Variants in PTPRT observed in about 807,000 individuals in gnomAD.
PTPRT encodes receptor-type tyrosine-protein phosphatase T.
Under a neutral mutation model 176.8 loss-of-function variants are expected in PTPRT, and 56 were observed. That is an observed-to-expected ratio of 0.32 (90% CI 0.26 to 0.40). The LOEUF is 0.40. PTPRT is among the 10% of genes least tolerant of loss of function. The pLI, the probability that PTPRT is intolerant of heterozygous loss-of-function variation, is 1.00. For missense variants in PTPRT, 1,540 were observed against 1,908.2 expected (o/e 0.81, Z 3.60); for synonymous variants, 783 against 739.0 (o/e 1.06, Z -0.96).
chr20:42,895,688 T>G (rs2079283486), intron 1 of PTPRT, among the ~76,000 whole-genome samples: 1 of 152,222 alleles, frequency 6.6e-6, no homozygotes, highest in African/African-American at 2.4e-5. Context: ...AAGACTTTAT[T>G]TATTAGCACT....
intron 1 of PTPRT, among the ~76,000 whole-genome samples, chr20:43,056,455 G>A (rs183848224): frequency 5.3e-5 from 8 of 152,296 alleles, no homozygotes; most frequent in South Asian, 2.1e-4. Context: ...TAATGGCTGG[G>A]TACAGGGAAG....
At chr20:42,835,972 A>G (rs945012478) in intron 2 of PTPRT, among the ~76,000 whole-genome samples, 1 of 152,042 alleles carries the variant, frequency 6.6e-6, no homozygotes, top group African/African-American at 2.4e-5. Context: ...GTTGGGAAGG[A>G]GACTAGCTCA....
intron 15 of PTPRT, among the ~76,000 whole-genome samples, chr20:42,199,735 C>T (rs1991375466): frequency 6.6e-6 from 1 of 152,092 alleles, no homozygotes; most frequent in Admixed American, 6.5e-5. Flanking sequence ...AGTGGCTAGA[C>T]TGGCCTTTCT....
chr20:42,735,589 C>CT (rs2076527494), intron 6 of PTPRT, among the ~76,000 whole-genome samples: 1 of 152,020 alleles, frequency 6.6e-6, no homozygotes, highest in Non-Finnish European at 1.5e-5. Context: ...TTCAGTAGCC[C>CT]TGTCATTAGC....
chr20:42,157,627 C>G (rs1487718116), intron 17 of PTPRT, among the ~76,000 whole-genome samples: 1 of 152,004 alleles, frequency 6.6e-6, no homozygotes, highest in African/African-American at 2.4e-5. Context: ...ATTTTCTTCC[C>G]CCCCCAATAT....
chr20:42,851,335 T>C (rs779197907), intron 2 of PTPRT, among the ~76,000 whole-genome samples: 4 of 152,198 alleles, frequency 2.6e-5, no homozygotes, highest in Non-Finnish European at 1.5e-5. Context: ...TTTCTGCTGT[T>C]AAAAGACTGT....
At chr20:42,508,313 C>T (rs939780284) in intron 7 of PTPRT, among the ~76,000 whole-genome samples, 1 of 151,968 alleles carries the variant, frequency 6.6e-6, no homozygotes, top group Non-Finnish European at 1.5e-5. Context: ...GATTTTAATG[C>T]AAACTTCATC....
At chr20:42,241,621 A>G (rs2056355801) in intron 14 of PTPRT, among the ~76,000 whole-genome samples, 5 of 152,256 alleles carry the variant, frequency 3.3e-5, no homozygotes, top group Admixed American at 2.6e-4. Flanking sequence ...AAGAAAGGTC[A>G]GCAGTGTGCA....
chr20:42,648,192 T>C (rs980272335), intron 7 of PTPRT, among the ~76,000 whole-genome samples: 1 of 152,036 alleles, frequency 6.6e-6, no homozygotes, highest in Non-Finnish European at 1.5e-5. Flanking sequence ...TGAAGACAAA[T>C]GCATCCAAGG....
At chr20:42,218,758 A>G (rs1280248254) in intron 15 of PTPRT, among the ~76,000 whole-genome samples, 2 of 152,204 alleles carry the variant, frequency 1.3e-5, no homozygotes, top group Non-Finnish European at 2.9e-5. Context: ...TGAGCGGTGC[A>G]CTGTCTCATG....
chr20:42,672,864 T>A (rs1408524322), intron 7 of PTPRT, among the ~76,000 whole-genome samples: 1 of 152,246 alleles, frequency 6.6e-6, no homozygotes, highest in East Asian at 1.9e-4. Flanking sequence ...CATCTTCTTG[T>A]GCTACGCCCA....
intron 1 of PTPRT, among the ~76,000 whole-genome samples, chr20:43,001,540 T>G (rs1984554947): frequency 6.6e-6 from 1 of 151,324 alleles, no homozygotes. Flanking sequence ...CAGAATGGGG[T>G]TAACTCAACA....
At chr20:42,205,444 G>T (rs2055430995) in intron 15 of PTPRT, among the ~76,000 whole-genome samples, 1 of 152,160 alleles carries the variant, frequency 6.6e-6, no homozygotes, top group Non-Finnish European at 1.5e-5. Context: ...CAGGAATCCT[G>T]CCCTGTTTGG....
In PTPRT at chr20:42,251,681, T is replaced by C. The variant is rs181521988; in HGVS notation, c.2177-2859A>G. Among the ~76,000 whole-genome samples the C allele has an allele frequency of 6.4e-5, 9 of 141,718 alleles. No homozygotes were observed. In the East Asian group the frequency reaches 1.6e-3, roughly 26 times the overall value. The allele number at this position is 141,718 out of a possible 152,430, so 93.0% of individuals were successfully genotyped here. ...CAGCATATGGGAGCAGCAGGAGAAATAGCCTTGCCTAATGGGGCAAGCACC... is the reference window on the plus strand; with the variant it reads ...CAGCATATGGGAGCAGCAGGAGAAACAGCCTTGCCTAATGGGGCAAGCACC... On this transcript the variant is annotated intron_variant, in intron 13 of 30. Coordinates refer to ENST00000373187, the MANE Select transcript of PTPRT (RefSeq NM_007050.6).
chr20:42,598,276 C>G (rs374063648), intron 7 of PTPRT, among the ~76,000 whole-genome samples: 54 of 152,234 alleles, frequency 3.5e-4, no homozygotes, highest in African/African-American at 1.2e-3. Context: ...AAATAACATA[C>G]AGCTATTAGC....
intron 26 of PTPRT, among the ~76,000 whole-genome samples, chr20:42,099,024 T>G (rs1290570100): frequency 6.6e-6 from 1 of 152,228 alleles, no homozygotes; most frequent in Non-Finnish European, 1.5e-5. Flanking sequence ...GGGGCTGAGT[T>G]GCCCTGGCAA....
intron 12 of PTPRT, among the ~76,000 whole-genome samples, chr20:42,300,740 A>G (rs984153008): frequency 1.3e-5 from 2 of 149,964 alleles, no homozygotes; most frequent in African/African-American, 2.5e-5. Flanking sequence ...GTCATTTGGC[A>G]AACATCTTTT....
At chr20:42,067,226 G>A in the PTPRT span, among the ~76,000 whole-genome samples, 1 of 152,172 alleles carries the variant, frequency 6.6e-6, no homozygotes, top group African/African-American at 2.4e-5. Flanking sequence ...AGCCTGTGAG[G>A]GCAGAGAGCT....
chr20:42,902,302 A>C (rs2079416438), intron 1 of PTPRT, among the ~76,000 whole-genome samples: 1 of 152,170 alleles, frequency 6.6e-6, no homozygotes, highest in Non-Finnish European at 1.5e-5. Context: ...TGGAACAGTG[A>C]GTACACTGTC....
Sources: allele counts gnomAD v4.1 joint callset (sites outside exome capture counted in the v4.1 genomes callset), GRCh38; gene constraint gnomAD v4.1.1; transcripts MANE v1.5; gene names NCBI Gene and HGNC (gene_info 2026-07-23, HGNC 2026-07-21).